SPATA6L: variants seen among roughly 807,000 people sequenced by gnomAD.
The protein encoded by SPATA6L is spermatogenesis associated 6 like, also known as spermatogenesis associated 6-like protein.
In SPATA6L, 68 loss-of-function variants were observed where a neutral mutation model predicts 49.2. The ratio of observed to expected loss-of-function variants is 1.38; its 90% CI spans 1.14 to 1.69. SPATA6L has a LOEUF of 1.69. SPATA6L is among the 40% of genes most tolerant of loss of function. The pLI, the probability that SPATA6L is intolerant of heterozygous loss-of-function variation, is 0.00. For synonymous variants in SPATA6L, 198 were observed against 165.7 expected, an observed-to-expected ratio of 1.19 and a Z score of -1.50; for missense variants, 668 against 464.3, an observed-to-expected ratio of 1.44 and a Z score of -4.03.
rs983351820 is a variant in SPATA6L, at chr9:4,598,908, T to C, written c.*1903A>G. On this transcript the variant is annotated 3_prime_UTR_variant, in exon 12 of 12. Coordinates refer to ENST00000682582, the MANE Select transcript of SPATA6L (RefSeq NM_001353486.2). Reference sequence around the variant, plus strand: ...TGGCCTTGCCAAGGTGGAATGCTGGTTGTGATACAGGTTGAGTCTCCCTTA... The same window carrying C: ...TGGCCTTGCCAAGGTGGAATGCTGGCTGTGATACAGGTTGAGTCTCCCTTA... 5.3e-5 allele frequency among the ~76,000 whole-genome samples: 8 copies of C among 152,258 alleles called. No individual in the cohort carries two copies. The highest frequency in any genetic ancestry group is 1.5e-5 in the Non-Finnish European group (1 of 68,038).
At position 4,629,775 on chromosome 9, in the gene SPATA6L, A is replaced by G. The variant is rs200775350; in HGVS notation, c.352-607T>C. ...TATATATGTGTGTGTGTGTGTATAT[A>G]TATATATATATATATATATATATGC... On this transcript the variant is annotated intron_variant, in intron 4 of 11. Coordinates refer to ENST00000682582, the MANE Select transcript of SPATA6L (RefSeq NM_001353486.2). 1.0e-2 allele frequency among the ~76,000 whole-genome samples: 1,245 copies of G among 124,526 alleles called. 23 individuals carry two copies. The highest frequency in any genetic ancestry group is 0.033 in the African/African-American group (1,044 of 31,370). The allele number at this position is 124,526 out of a possible 152,430, so 81.7% of individuals were successfully genotyped here. A position where few individuals can be genotyped will look rare whatever the true frequency, so the allele number is the denominator to read the frequency against.
Position 4,617,923 on chromosome 9 carries a change from C to A in SPATA6L, c.995G>T (p.Arg332Met). The A allele has an allele frequency of 1.2e-6, 2 of 1,604,674 alleles. No individual in the cohort carries two copies. The highest frequency in any genetic ancestry group is 1.1e-5 in the South Asian group (1 of 89,210). The stretch of plus-strand genomic sequence containing the variant: ...AAACAGATGGGTGCTTGCCACTGAC[C>A]TTTCTCTGAGAAGGGGCTGATCCAA... Reference protein sequence around the residue: ...GPLDQPLLRERFHPGSQSTWK... With the variant: ...GPLDQPLLREMFHPGSQSTWK... The change falls in exon 9 of 12, where the codon AGG becomes ATG. Residue 332 changes from arginine (R) to methionine (M), a missense_variant and splice_region_variant. By Grantham distance (91) the Arg-to-Met change is moderately conservative. Transcript: ENST00000682582.
At chr9:4,641,439 T>C (rs1169216056) in intron 3 of SPATA6L, among the ~76,000 whole-genome samples, 2 of 152,224 alleles carry the variant, frequency 1.3e-5, no homozygotes, top group Admixed American at 6.5e-5. Context: ...AATATTTGCA[T>C]ATAACCTATG....
chr9:4,609,885 G>A (rs10974652), intron 9 of SPATA6L, among the ~76,000 whole-genome samples: 9,173 of 151,182 alleles, frequency 0.061, 1,007 homozygotes, highest in African/African-American at 0.22. Flanking sequence ...ATGATTGTGT[G>A]TGCAGAAAAC....
chr9:4,627,106 A>T (rs1420916742), intron 5 of SPATA6L: 1 of 152,454 alleles, frequency 6.6e-6, no homozygotes, highest in African/African-American at 2.4e-5. Flanking sequence ...TCATGCCTGT[A>T]ATCCCAACAC....
At chr9:4,665,281 T>A (rs1840694444) in intron 1 of SPATA6L, 1 of 160,552 alleles carries the variant, frequency 6.2e-6, no homozygotes, top group South Asian at 2.1e-4. Context: ...AAAACTTGCT[T>A]AATTTTTGCC....
chr9:4,656,882 T>C (rs1838378564), intron 2 of SPATA6L, among the ~76,000 whole-genome samples: 3 of 152,052 alleles, frequency 2.0e-5, no homozygotes, highest in Admixed American at 2.0e-4. Context: ...AAAAGGAACA[T>C]AAAAAGAAAT....
chr9:4,628,952 A>T (rs4742025), intron 5 of SPATA6L, 139 bp downstream of exon 5: 43,877 of 640,472 alleles, frequency 0.069, 3,116 homozygotes, highest in African/African-American at 0.25. Flanking sequence ...TTATAGAAAT[A>T]CAAACCTAGT....
chr9:4,616,068 T>A (rs532043195), intron 9 of SPATA6L, among the ~76,000 whole-genome samples: 1 of 152,142 alleles, frequency 6.6e-6, no homozygotes, highest in South Asian at 2.1e-4. Context: ...GCCCAGGAGT[T>A]TGAGAAGAGC....
Position 4,614,407 on chromosome 9 carries a change from C to G in SPATA6L, c.995+3516G>C, listed in dbSNP as rs1373653323. ...GAAAAGCAACAGGGATTCTCATGCA[C>G]CCTTGTGAACTGGACACAGAGAAAG... On this transcript the variant is annotated intron_variant, in intron 9 of 11. Coordinates refer to ENST00000682582, the MANE Select transcript of SPATA6L (RefSeq NM_001353486.2). Among the ~76,000 whole-genome samples, 4 of 152,168 alleles carry G rather than the reference C, an allele frequency of 2.6e-5. No homozygotes were observed. The South Asian group carries it at 6.2e-4, about 24-fold the overall frequency.
At chr9:4,643,255 C>G (rs574043902) in intron 3 of SPATA6L, among the ~76,000 whole-genome samples, 3 of 152,314 alleles carry the variant, frequency 2.0e-5, no homozygotes, top group South Asian at 2.1e-4. Context: ...ATCCGCCCAC[C>G]TTGGCCTCCC....
chr9:4,661,301 A>C (rs1839668570), intron 2 of SPATA6L, among the ~76,000 whole-genome samples: 1 of 152,208 alleles, frequency 6.6e-6, no homozygotes, highest in Non-Finnish European at 1.5e-5. Flanking sequence ...CAGTGATGAC[A>C]TAGTAATAAC....
rs184778606 is a variant in SPATA6L at position 4,660,049 on chromosome 9, A to C, written c.177+1850T>G. 2.5e-4 allele frequency among the ~76,000 whole-genome samples: 38 copies of C among 152,376 alleles called. No homozygotes were observed. In the East Asian group the frequency reaches 6.9e-3, roughly 28 times the overall value. On this transcript the variant is annotated intron_variant, in intron 2 of 11. Coordinates refer to ENST00000682582, the MANE Select transcript of SPATA6L (RefSeq NM_001353486.2). ...TTAATTCAAGATGGATTAAAGACTT[A>C]AATGTTAGACCTAAAACCATAAAAA...
chr9:4,609,575 G>C (rs1424461614), intron 9 of SPATA6L, among the ~76,000 whole-genome samples: 1 of 151,792 alleles, frequency 6.6e-6, no homozygotes, highest in East Asian at 1.9e-4. Flanking sequence ...TGCAGAAAAG[G>C]CCTTTGACAA....
chr9:4,659,257 A>G (rs1446177301), intron 2 of SPATA6L, among the ~76,000 whole-genome samples: 1 of 152,214 alleles, frequency 6.6e-6, no homozygotes, highest in Non-Finnish European at 1.5e-5. Context: ...TCCACTGTCA[A>G]CCTCAGGTTG....
At position 4,640,162 on chromosome 9, in the gene SPATA6L, G is replaced by A. The variant is rs10974698; in HGVS notation, c.227-4763C>T. 4.1e-3 allele frequency among the ~76,000 whole-genome samples: 631 copies of A among 152,300 alleles called. 5 individuals carry two copies. Among genetic ancestry groups the A allele is most frequent in the African/African-American group, 0.014 (599 of 41,574 alleles). ...TATACCTGACTTACCCAAAGCGAAG[G>A]TATTTATCTCAGAGGTTAATAAAAA... On this transcript the variant is annotated intron_variant, in intron 3 of 11. Coordinates refer to ENST00000682582, the MANE Select transcript of SPATA6L (RefSeq NM_001353486.2).
intron 3 of SPATA6L, chr9:4,646,275 C>G (rs1835355326): frequency 5.5e-6 from 2 of 364,550 alleles, no homozygotes; most frequent in Admixed American, 8.9e-5. Context: ...GTTATGCTCC[C>G]TGCCATGAAA....
intron 1 of SPATA6L, 139 bp downstream of exon 1, chr9:4,666,073 G>C (rs573971549): frequency 1.2e-5 from 9 of 740,052 alleles, no homozygotes; most frequent in South Asian, 9.4e-5. Flanking sequence ...TGGAGAAAAA[G>C]ACAAAGGTGC....
intron 2 of SPATA6L, among the ~76,000 whole-genome samples, chr9:4,656,966 G>A (rs951877463): frequency 4.5e-5 from 6 of 132,220 alleles, no homozygotes; most frequent in Non-Finnish European, 7.5e-5. Flanking sequence ...AATAAGGAAA[G>A]AAAGAGAGAA....
Sources: allele counts gnomAD v4.1 joint callset (sites outside exome capture counted in the v4.1 genomes callset), GRCh38; gene constraint gnomAD v4.1.1; transcripts MANE v1.5; gene names NCBI Gene and HGNC (gene_info 2026-07-23, HGNC 2026-07-21).